The following GRID1 variants were observed in gnomAD, a reference collection of about 807,000 sequenced individuals.
GRID1 encodes glutamate ionotropic receptor delta type subunit 1.
GRID1 carries 28 observed loss-of-function variants against 98.0 expected under a neutral mutation model. The observed-to-expected ratio is 0.29, with a 90% CI of 0.21 to 0.39. The LOEUF is 0.39. Ranked by LOEUF, GRID1 falls within the 10% of genes least tolerant of loss-of-function variation. The pLI is 1.00. For missense variants in GRID1, 1,111 were observed against 1,340.5 expected (o/e 0.83, Z 2.67); for synonymous variants, 553 against 538.5 (o/e 1.03, Z -0.37).
At chr10:85,928,238 CG>C in intron 4 of GRID1, among the ~76,000 whole-genome samples, 1 of 152,220 alleles carries the variant, frequency 6.6e-6, no homozygotes, top group Non-Finnish European at 1.5e-5. Context: ...GGCGGAGGAT[CG>C]TTTAGGGCTG....
At chr10:86,139,142 CA>C in intron 3 of GRID1, 118 bp from the exon 4 acceptor site, 1 of 705,560 alleles carries the variant, frequency 1.4e-6, no homozygotes, top group East Asian at 2.6e-5. Context: ...AATGAGGGTC[CA>C]AGTCAGCCTC....
At chr10:86,272,725 A>C (rs1564725458) in intron 2 of GRID1, among the ~76,000 whole-genome samples, 1 of 152,180 alleles carries the variant, frequency 6.6e-6, no homozygotes, top group Non-Finnish European at 1.5e-5. Flanking sequence ...ACTGCCTAAG[A>C]CCTGTGAGGA....
chr10:85,716,907 C>A (rs1229196807), intron 12 of GRID1, among the ~76,000 whole-genome samples: 1 of 152,084 alleles, frequency 6.6e-6, no homozygotes, highest in Non-Finnish European at 1.5e-5. Context: ...GAGTCAAACT[C>A]ATAGAAGCGG....
intron 4 of GRID1, among the ~76,000 whole-genome samples, chr10:86,077,578 T>C (rs1456761602): frequency 6.6e-6 from 1 of 152,222 alleles, no homozygotes; most frequent in Admixed American, 6.6e-5. Flanking sequence ...CGTCTCCATG[T>C]GTGTAGACAT....
intron 8 of GRID1, among the ~76,000 whole-genome samples, chr10:85,790,809 A>G (rs1383674343): frequency 2.0e-5 from 3 of 151,854 alleles, no homozygotes; most frequent in Admixed American, 6.6e-5. Context: ...GCTCCTCACA[A>G]CCTCTCAAGT....
intron 8 of GRID1, among the ~76,000 whole-genome samples, chr10:85,802,621 A>G (rs899888569): frequency 6.6e-6 from 1 of 152,098 alleles, no homozygotes; most frequent in Non-Finnish European, 1.5e-5. Context: ...AAAAAATTAA[A>G]TTTTAATAGG....
chr10:86,137,401 T>C (rs1844943223), intron 4 of GRID1, among the ~76,000 whole-genome samples: 1 of 150,054 alleles, frequency 6.7e-6, no homozygotes, highest in South Asian at 2.1e-4. Context: ...CCAAAGCCAA[T>C]AGTCTTTCCA....
intron 8 of GRID1, among the ~76,000 whole-genome samples, chr10:85,802,838 AACACACACACACACACACACACAC>A (rs59101010): frequency 5.0e-5 from 6 of 120,962 alleles, no homozygotes; most frequent in African/African-American, 1.9e-4. Flanking sequence ...AAGCAGAATA[AACACACACACACACACACACACAC>A]ACACACACAC....
chr10:85,739,959 A>G (rs1330303147), intron 8 of GRID1, among the ~76,000 whole-genome samples: 1 of 152,234 alleles, frequency 6.6e-6, no homozygotes, highest in Non-Finnish European at 1.5e-5. Context: ...CTCTTGCACT[A>G]CACTGTACTA....
At chr10:85,695,714 G>T (rs918826738) in intron 12 of GRID1, among the ~76,000 whole-genome samples, 11 of 152,060 alleles carry the variant, frequency 7.2e-5, no homozygotes, top group Admixed American at 2.0e-4. Flanking sequence ...GTGTATGATG[G>T]ACATAAACAA....
At chr10:86,350,751 G>T (rs1337062530) in intron 2 of GRID1, among the ~76,000 whole-genome samples, 1 of 152,136 alleles carries the variant, frequency 6.6e-6, no homozygotes, top group African/African-American at 2.4e-5. Context: ...CAGGTAATTA[G>T]CATATCCATC....
At chr10:86,102,428 A>C (rs1844309553) in intron 4 of GRID1, among the ~76,000 whole-genome samples, 1 of 152,252 alleles carries the variant, frequency 6.6e-6, no homozygotes, top group African/African-American at 2.4e-5. Flanking sequence ...TGGGCAGCTG[A>C]AGAAAGGGTC....
chr10:85,768,439 G>C (rs1842218935), intron 8 of GRID1, among the ~76,000 whole-genome samples: 1 of 151,156 alleles, frequency 6.6e-6, no homozygotes, highest in African/African-American at 2.4e-5. Context: ...ATAACAAAAA[G>C]AAAATCCAAA....
At chr10:86,224,129 T>C (rs1245745365) in intron 2 of GRID1, among the ~76,000 whole-genome samples, 1 of 152,034 alleles carries the variant, frequency 6.6e-6, no homozygotes, top group East Asian at 1.9e-4. Context: ...CCCTCCAACC[T>C]CTTGAACTCC....
At chr10:86,182,149 A>G (rs1010902368) in intron 3 of GRID1, among the ~76,000 whole-genome samples, 4 of 152,188 alleles carry the variant, frequency 2.6e-5, no homozygotes, top group African/African-American at 7.2e-5. Context: ...CATTGAGACT[A>G]TGGGGTGAGA....
chr10:86,055,271 C>T (rs1331616954), intron 4 of GRID1, among the ~76,000 whole-genome samples: 1 of 152,106 alleles, frequency 6.6e-6, no homozygotes, highest in East Asian at 1.9e-4. Flanking sequence ...CAGGTGAGTA[C>T]CATTATTGCT....
chr10:86,235,920 T>C (rs1846530627), intron 2 of GRID1, among the ~76,000 whole-genome samples: 2 of 152,280 alleles, frequency 1.3e-5, no homozygotes, highest in South Asian at 2.1e-4. Flanking sequence ...GGAGTGGAAT[T>C]GCTAAATGAT....
At position 86,192,209 on chromosome 10, in the gene GRID1, T is replaced by C. The variant is rs12358947; in HGVS notation, c.520+14155A>G. On this transcript the variant is annotated intron_variant, in intron 3 of 15. Transcript: ENST00000327946. The surrounding 1 kb of genome is among the most constrained non-coding windows in gnomAD (Gnocchi z 4.8). The stretch of plus-strand genomic sequence containing the variant: ...AGACACCTGCGCACACACACACACA[T>C]GGAGGCTCCAAGAGACGACATTCCT... 2.9e-5 allele frequency among the ~76,000 whole-genome samples: 4 copies of C among 138,832 alleles called. No individual in the cohort carries two copies. Among genetic ancestry groups the C allele is most frequent in the Non-Finnish European group, 5.0e-5 (3 of 59,858 alleles). 91.1% of individuals were successfully genotyped at this position (138,832 alleles called of 152,430 possible). A position where few individuals can be genotyped will look rare whatever the true frequency, so the allele number is the denominator to read the frequency against.
At chr10:86,194,439 C>A (rs1252186847) in intron 3 of GRID1, among the ~76,000 whole-genome samples, 1 of 152,110 alleles carries the variant, frequency 6.6e-6, no homozygotes, top group African/African-American at 2.4e-5. Flanking sequence ...GGGCATGGTT[C>A]CCCTTCTGCG....
Sources: allele counts gnomAD v4.1 joint callset (sites outside exome capture counted in the v4.1 genomes callset), GRCh38; gene constraint gnomAD v4.1.1; non-coding constraint Gnocchi (gnomAD v3.1); transcripts MANE v1.5; gene names NCBI Gene and HGNC (gene_info 2026-07-23, HGNC 2026-07-21).